Variants in HACL2 observed in about 807,000 individuals in gnomAD.
HACL2 encodes 2-hydroxyacyl-CoA lyase 1 like.
the HACL2 span, chr19:15,119,846 C>T: frequency 3.1e-6 from 2 of 643,200 alleles, no homozygotes; most frequent in Non-Finnish European, 5.3e-6. Flanking sequence ...CCACCGCGTC[C>T]AGCCAAAGGG....
chr19:15,123,625 G>A, the HACL2 span: 1 of 1,575,848 alleles, frequency 6.3e-7, no homozygotes, highest in Non-Finnish European at 8.7e-7. The surrounding 1 kb of genome is among the most constrained non-coding windows in gnomAD (Gnocchi z 5.1). Context: ...CAGGGCAGAG[G>A]GCAGCTGGGA....
the HACL2 span, chr19:15,119,220 T>C: frequency 1.1e-5 from 18 of 1,607,656 alleles, no homozygotes; most frequent in Non-Finnish European, 1.4e-5. Context: ...TTCTCCCGGA[T>C]GTGGAGGGGG....
chr19:15,115,724 A>T, the HACL2 span: 1 of 1,587,184 alleles, frequency 6.3e-7, no homozygotes, highest in Admixed American at 1.7e-5. Context: ...TGGCTTGGCC[A>T]GCCAGAGGAC....
chr19:15,123,719 T>G, the HACL2 span: 3 of 651,108 alleles, frequency 4.6e-6, no homozygotes, highest in South Asian at 1.9e-5. The surrounding 1 kb of genome is among the most constrained non-coding windows in gnomAD (Gnocchi z 5.1). Flanking sequence ...TAGGCATATA[T>G]TATACTACAT....
At chr19:15,115,589 A>G in the HACL2 span, 1 of 1,613,708 alleles carries the variant, frequency 6.2e-7, no homozygotes, top group South Asian at 1.1e-5. Flanking sequence ...GCCACAGGCC[A>G]CGTTGCTGCC....
At chr19:15,122,017 C>T in the HACL2 span, among the ~76,000 whole-genome samples, 1 of 150,858 alleles carries the variant, frequency 6.6e-6, no homozygotes, top group East Asian at 2.0e-4. This position sits in a 1 kb window ranked among gnomAD's most constrained non-coding sequence, Gnocchi z 4.0. Flanking sequence ...CCTGCCGCAG[C>T]CTCCCAAGTA....
chr19:15,122,788 C>T, the HACL2 span: 2 of 1,614,168 alleles, frequency 1.2e-6, no homozygotes, highest in Non-Finnish European at 1.7e-6. This position sits in a 1 kb window ranked among gnomAD's most constrained non-coding sequence, Gnocchi z 4.0. Context: ...CAACGGGCAG[C>T]TCCACAAACA....
chr19:15,115,697 C>T, the HACL2 span: 131 of 1,593,088 alleles, frequency 8.2e-5, no homozygotes, highest in South Asian at 7.7e-5. Context: ...GAAGGCAGGC[C>T]GCAGCCTTCA....
At chr19:15,123,859 C>T in the HACL2 span, 5 of 489,610 alleles carry the variant, frequency 1.0e-5, no homozygotes, top group Non-Finnish European at 1.8e-5. This position sits in a 1 kb window ranked among gnomAD's most constrained non-coding sequence, Gnocchi z 5.1. Context: ...TTAAGTGCCC[C>T]ACTGTTACAC....
the HACL2 span, chr19:15,124,746 A>T: frequency 1.2e-6 from 1 of 843,986 alleles, no homozygotes. Context: ...GGCAAAGTCC[A>T]GGCCTCCATA....
chr19:15,120,199 G>A, the HACL2 span: 2 of 622,732 alleles, frequency 3.2e-6, no homozygotes, highest in African/African-American at 1.9e-5. Flanking sequence ...CATGGGGACA[G>A]GGTGGATGAG....
chr19:15,116,623 C>T, the HACL2 span: 1 of 909,914 alleles, frequency 1.1e-6, no homozygotes, highest in Non-Finnish European at 1.7e-6. Flanking sequence ...AGCATCCGAG[C>T]AGGCAGACGG....
chr19:15,124,704 C>A, the HACL2 span: 6 of 570,754 alleles, frequency 1.1e-5, no homozygotes, highest in Admixed American at 1.5e-4. Flanking sequence ...AGTGCCCCGG[C>A]AGCGGCAGCT....
chr19:15,115,274 C>T, the HACL2 span: 13 of 1,614,134 alleles, frequency 8.1e-6, no homozygotes, highest in South Asian at 1.2e-4. Flanking sequence ...GGAGCCATCG[C>T]GGAAGTCCGT....
the HACL2 span, chr19:15,117,863 G>C: frequency 6.2e-7 from 1 of 1,613,792 alleles, no homozygotes; most frequent in Non-Finnish European, 8.5e-7. Flanking sequence ...ATGTGTACGG[G>C]GGGATTAAGG....
At chr19:15,123,408 C>T in the HACL2 span, 22 of 1,613,966 alleles carry the variant, frequency 1.4e-5, no homozygotes, top group Admixed American at 1.2e-4. The surrounding 1 kb of genome is among the most constrained non-coding windows in gnomAD (Gnocchi z 5.1). Flanking sequence ...GCAGCAAAGA[C>T]GGCCGTGACC....
chr19:15,115,269 C>T, the HACL2 span: 1 of 1,614,170 alleles, frequency 6.2e-7, no homozygotes, highest in Non-Finnish European at 8.5e-7. Context: ...GCAATGGAGC[C>T]ATCGCGGAAG....
chr19:15,119,926 C>T, the HACL2 span: 1 of 1,205,624 alleles, frequency 8.3e-7, no homozygotes, highest in Non-Finnish European at 1.2e-6. Context: ...GGTCAGGGGG[C>T]CCTCTCCCCT....
chr19:15,125,459 G>A, the HACL2 span: 1 of 187,546 alleles, frequency 5.3e-6, no homozygotes, highest in Non-Finnish European at 1.1e-5. Context: ...TAGTGAGCCC[G>A]CCCCATGTTA....
Sources: allele counts gnomAD v4.1 joint callset (sites outside exome capture counted in the v4.1 genomes callset), GRCh38; gene constraint gnomAD v4.1.1; non-coding constraint Gnocchi (gnomAD v3.1); transcripts MANE v1.5; gene names NCBI Gene and HGNC (gene_info 2026-07-23, HGNC 2026-07-21).